Variants in NUP210 observed in about 807,000 individuals in gnomAD.
The protein encoded by NUP210 is nuclear pore membrane glycoprotein 210.
NUP210 carries 151 observed loss-of-function variants against 196.0 expected under a neutral mutation model. That is an observed-to-expected ratio of 0.77 (90% CI 0.67 to 0.88). The LOEUF (loss-of-function observed/expected upper bound fraction) is 0.88, where lower values mean the gene tolerates loss of function less well. Ranked by LOEUF, NUP210 falls within the 40% of genes least tolerant of loss-of-function variation. NUP210 has a pLI of 0.00. For synonymous variants in NUP210, 1,070 were observed against 1,052.7 expected (o/e 1.02, Z -0.32); for missense variants, 2,314 against 2,493.7 (o/e 0.93, Z 1.53).
chr3:13,364,994 A>T (rs960440920), intron 14 of NUP210, among the ~76,000 whole-genome samples: 5 of 152,176 alleles, frequency 3.3e-5, no homozygotes, highest in African/African-American at 4.8e-5. Context: ...TGCCTGACCA[A>T]GCCAGGGAGT....
At chr3:13,397,694 C>G (rs1699709932) in intron 2 of NUP210, among the ~76,000 whole-genome samples, 1 of 152,200 alleles carries the variant, frequency 6.6e-6, no homozygotes, top group Admixed American at 6.5e-5. Context: ...TTGTCACCAC[C>G]CATTCTGGCT....
At chr3:13,345,307 T>A (rs946381238) in intron 20 of NUP210, 1 of 815,918 alleles carries the variant, frequency 1.2e-6, no homozygotes, top group African/African-American at 1.9e-5. Context: ...AATGTGCAAA[T>A]GAGTTAACTG....
intron 1 of NUP210, among the ~76,000 whole-genome samples, chr3:13,400,973 C>T (rs891135323): frequency 6.6e-6 from 1 of 152,078 alleles, no homozygotes; most frequent in African/African-American, 2.4e-5. Flanking sequence ...AGCAATGGTG[C>T]GTGGCCAGGC....
rs1697765073 is a variant in NUP210, at chr3:13,347,047, A to G, written c.2836-3744T>C. On this transcript the variant is annotated intron_variant, in intron 20 of 39. Transcript: ENST00000254508. The surrounding 1 kb of genome is among the most constrained non-coding windows in gnomAD (Gnocchi z 4.7). ...GGATGCACCTGACTTCAGGCCCTGCAATTGCCACCCACTCCCCACTCATCC... is the reference window on the plus strand; with the variant it reads ...GGATGCACCTGACTTCAGGCCCTGCGATTGCCACCCACTCCCCACTCATCC... The G allele has an allele frequency of 3.0e-6, 3 of 985,244 alleles. No homozygotes were observed. Among genetic ancestry groups the G allele is most frequent in the Non-Finnish European group, 3.6e-6 (3 of 829,904 alleles). The allele number at this position is 985,244 out of a possible 1,614,324, so 61.0% of individuals were successfully genotyped here.
At position 13,352,189 on chromosome 3, in the gene NUP210, A is replaced by G. The variant is rs756263706; in HGVS notation, c.2629-5T>C. 6.2e-7 allele frequency: 1 copy of G among 1,606,710 alleles called. No homozygotes were observed. Among genetic ancestry groups the G allele is most frequent in the South Asian group, 1.1e-5 (1 of 90,872 alleles). ...CAGAGGCACCAGAGGGTCATGCTGAAGGACAAGGGCAAGGCCATTAGATCC... is the reference window on the plus strand; with the variant it reads ...CAGAGGCACCAGAGGGTCATGCTGAGGGACAAGGGCAAGGCCATTAGATCC... On this transcript the variant is annotated splice_region_variant and splice_polypyrimidine_tract_variant and intron_variant, in intron 18 of 39. Coordinates refer to ENST00000254508, the MANE Select transcript of NUP210 (RefSeq NM_024923.4).
intron 1 of NUP210, among the ~76,000 whole-genome samples, chr3:13,407,109 C>T (rs1171509780): frequency 6.6e-6 from 1 of 152,144 alleles, no homozygotes; most frequent in Non-Finnish European, 1.5e-5. Flanking sequence ...GAAAATAGCA[C>T]CTATACAAAG....
intron 18 of NUP210, among the ~76,000 whole-genome samples, chr3:13,352,590 G>A (rs928652655): frequency 1.3e-5 from 2 of 152,226 alleles, no homozygotes; most frequent in Non-Finnish European, 2.9e-5. Flanking sequence ...GCTCAGGAGA[G>A]GACAATGACA....
In NUP210 at chr3:13,397,545, C is replaced by T. The variant is rs754413569; in HGVS notation, c.305-57G>A. On this transcript the variant is annotated intron_variant, in intron 2 of 39. Coordinates refer to ENST00000254508, the MANE Select transcript of NUP210 (RefSeq NM_024923.4). ...AAGACAGTCCCCGCCCCTGGCTCCACTTCCAAGCCTTGCAGGCTTACACTC... is the reference window on the plus strand; with the variant it reads ...AAGACAGTCCCCGCCCCTGGCTCCATTTCCAAGCCTTGCAGGCTTACACTC... 2.2e-5 allele frequency: 33 copies of T among 1,499,336 alleles called. 1 individual carries two copies. The Middle Eastern group carries it at 8.9e-4, about 40-fold the overall frequency. 92.9% of individuals were successfully genotyped at this position (1,499,336 alleles called of 1,614,324 possible).
chr3:13,348,572 T>A lies in NUP210; in HGVS notation c.2835+3307A>T. On this transcript the variant is annotated intron_variant, in intron 20 of 39. Coordinates refer to ENST00000254508, the MANE Select transcript of NUP210 (RefSeq NM_024923.4). This position sits in a 1 kb window ranked among gnomAD's most constrained non-coding sequence, Gnocchi z 4.0. ...AAGCAGTCAGAATTAAGATGTAAGA[T>A]TCTCTTCACTCGCATGGCTGGAGGA... 1.0e-6 allele frequency: 1 copy of A among 985,454 alleles called. No individual in the cohort carries two copies. The highest frequency in any genetic ancestry group is 1.2e-6 in the Non-Finnish European group (1 of 829,914). 61.0% of individuals were successfully genotyped at this position (985,454 alleles called of 1,614,324 possible). A position where few individuals can be genotyped will look rare whatever the true frequency, so the allele number is the denominator to read the frequency against.
chr3:13,393,655 T>G (rs941764517), intron 3 of NUP210, among the ~76,000 whole-genome samples: 7 of 152,186 alleles, frequency 4.6e-5, no homozygotes, highest in African/African-American at 1.7e-4. Flanking sequence ...TCAAGGCAGG[T>G]GTCTGCCTTT....
At chr3:13,419,935 T>TAGCGCCC in intron 1 of NUP210, 125 bp downstream of exon 1, 1 of 499,076 alleles carries the variant, frequency 2.0e-6, no homozygotes, top group Non-Finnish European at 2.7e-6. Flanking sequence ...TGCTGCAGCC[T>TAGCGCCC]AGCGCCCAGC....
intron 16 of NUP210, 123 bp downstream of exon 16, chr3:13,358,099 C>T (rs576386192): frequency 7.2e-4 from 606 of 844,654 alleles, no homozygotes; most frequent in Admixed American, 2.0e-3. Context: ...GTTGTTGAGA[C>T]GAAGGAAGTG....
At chr3:13,373,658 G>T in intron 12 of NUP210, 60 bp downstream of exon 12, 1 of 1,572,122 alleles carries the variant, frequency 6.4e-7, no homozygotes, top group Non-Finnish European at 8.7e-7. Context: ...TTGCTCAGAG[G>T]GGGCGGCTGG....
Position 13,352,075 on chromosome 3 carries a change from T to TA in NUP210, c.2733+4_2733+5insT, listed in dbSNP as rs1697995847. 1.2e-6 allele frequency: 2 copies of TA among 1,613,064 alleles called. No individual in the cohort carries two copies. Among genetic ancestry groups the TA allele is most frequent in the Non-Finnish European group, 1.7e-6 (2 of 1,179,018 alleles). On this transcript the variant is annotated splice_donor_region_variant and intron_variant, in intron 19 of 39. Coordinates refer to ENST00000254508, the MANE Select transcript of NUP210 (RefSeq NM_024923.4). Reference sequence around the variant, plus strand: ...CCCAGGAAGGTGGCAGGGCAAGGACTGTACCTGGATGCCAGGGTGGTTGTA... The same window carrying TA: ...CCCAGGAAGGTGGCAGGGCAAGGACTAGTACCTGGATGCCAGGGTGGTTGTA...
intron 1 of NUP210, among the ~76,000 whole-genome samples, chr3:13,412,163 C>T (rs1700194000): frequency 6.6e-6 from 1 of 151,936 alleles, no homozygotes; most frequent in South Asian, 2.1e-4. Flanking sequence ...AAGCAATCCT[C>T]CTGCCTCAGC....
chr3:13,328,619 C>T (rs553209604), intron 31 of NUP210, 152 bp downstream of exon 31: 16 of 719,658 alleles, frequency 2.2e-5, no homozygotes, highest in African/African-American at 3.5e-5. Flanking sequence ...TTCCTCGTGG[C>T]CCTGCATGGT....
rs1184396008 is a variant in NUP210 at position 13,386,425 on chromosome 3, GCAGA to G, written c.685-22_685-19del. 6.2e-7 allele frequency: 1 copy of G among 1,613,722 alleles called. No individual in the cohort carries two copies. The highest frequency in any genetic ancestry group is 1.1e-5 in the South Asian group (1 of 91,042). ...CGTACATTCTTGGCATAAAGAAAAG[GCAGA>G]CAAAGTGAGGTGCGGACAGGGAATG... On this transcript the variant is annotated intron_variant, in intron 5 of 39. Transcript: ENST00000254508.
chr3:13,404,761 G>A (rs889290092), intron 1 of NUP210, among the ~76,000 whole-genome samples: 25 of 152,208 alleles, frequency 1.6e-4, no homozygotes, highest in Admixed American at 6.5e-5. Context: ...AACCCTATAG[G>A]TGTCCCTGGA....
rs747772574 is a variant in NUP210 at position 13,375,649 on chromosome 3, G to T, written c.1294-8C>A. The T allele has an allele frequency of 2.3e-5, 37 of 1,611,686 alleles. No individual in the cohort carries two copies. The East Asian group carries it at 8.3e-4, about 36-fold the overall frequency. On this transcript the variant is annotated splice_polypyrimidine_tract_variant and splice_region_variant and intron_variant, in intron 10 of 39. Transcript: ENST00000254508. ...TATGTGGACCCCTCCATCCTACAAGGGGTGAGGGTGCCACACGTAACCATG... is the reference window on the plus strand; with the variant it reads ...TATGTGGACCCCTCCATCCTACAAGTGGTGAGGGTGCCACACGTAACCATG...
Sources: gnomAD v4.1 joint callset for allele counts (sites outside exome capture counted in the v4.1 genomes callset) on GRCh38, gnomAD v4.1.1 for gene constraint, Gnocchi (gnomAD v3.1) non-coding constraint, MANE v1.5 for transcripts, NCBI Gene and HGNC (gene_info 2026-07-23, HGNC 2026-07-21) for gene names.